Variants in TRDN observed in about 807,000 individuals in gnomAD.
The protein encoded by TRDN is triadin.
Under a neutral mutation model 149.7 loss-of-function variants are expected in TRDN, and 161 were observed. The ratio of observed to expected loss-of-function variants is 1.08; its 90% confidence interval spans 0.95 to 1.23. The LOEUF (loss-of-function observed/expected upper bound fraction) is 1.23. TRDN is among the 50% of genes most tolerant of loss of function. TRDN has a pLI of 0.00. For synonymous variants in TRDN, 294 were observed against 250.5 expected (o/e 1.17, Z -1.64); for missense variants, 896 against 823.5 (o/e 1.09, Z -1.08).
At chr6:123,327,094 C>A (rs568471058) in intron 23 of TRDN, among the ~76,000 whole-genome samples, 2 of 151,838 alleles carry the variant, frequency 1.3e-5, no homozygotes, top group East Asian at 3.9e-4. Flanking sequence ...AATATGAGAG[C>A]GGAATTTAAA....
In TRDN at chr6:123,273,286, A is replaced by C. The variant is rs1777264350; in HGVS notation, c.1624+51T>G. 5 of 1,070,708 alleles carry C rather than the reference A, an allele frequency of 4.7e-6. No homozygotes were observed. The South Asian group carries it at 6.8e-5, about 15-fold the overall frequency. 66.3% of individuals were successfully genotyped at this position (1,070,708 alleles called of 1,614,324 possible). On this transcript the variant is annotated intron_variant, in intron 28 of 40. Coordinates refer to ENST00000334268, the MANE Select transcript of TRDN (RefSeq NM_006073.4). ...AAATACATGATTTTGAAAACGTTTCAATATTTTTTCGTAAGAAAGTCTAAG... is the reference window on the plus strand; with the variant it reads ...AAATACATGATTTTGAAAACGTTTCCATATTTTTTCGTAAGAAAGTCTAAG...
intron 24 of TRDN, among the ~76,000 whole-genome samples, chr6:123,279,714 CTT>C (rs1463702206): frequency 1.3e-5 from 2 of 152,122 alleles, no homozygotes; most frequent in African/African-American, 4.8e-5. Context: ...TTTCCCATTA[CTT>C]TCCAAGACTA....
At chr6:123,497,645 A>C (rs989090020) in intron 8 of TRDN, among the ~76,000 whole-genome samples, 3 of 152,182 alleles carry the variant, frequency 2.0e-5, no homozygotes, top group Admixed American at 6.5e-5. Flanking sequence ...ATTGTTTCCA[A>C]CTTGGAGTGT....
intron 12 of TRDN, chr6:123,421,678 A>T (rs1196081827): frequency 6.6e-6 from 1 of 152,112 alleles, no homozygotes; most frequent in Non-Finnish European, 1.5e-5. Flanking sequence ...GCAGATCAGG[A>T]ATATTTGGGG....
Position 123,278,322 on chromosome 6 carries a change from C to T in TRDN, c.1563G>A (p.Lys521=), listed in dbSNP as rs573190326. 2 of 1,291,372 alleles carry T rather than the reference C, an allele frequency of 1.5e-6. No homozygotes were observed. Among genetic ancestry groups the T allele is most frequent in the African/African-American group, 3.1e-5 (2 of 65,440 alleles). 80.0% of individuals were successfully genotyped at this position (1,291,372 alleles called of 1,614,324 possible). A position where few individuals can be genotyped will look rare whatever the true frequency, so the allele number is the denominator to read the frequency against. The change falls in exon 26 of 41, where the codon AAG becomes AAA. Residue 521 remains lysine, a synonymous_variant. Coordinates refer to ENST00000334268, the MANE Select transcript of TRDN (RefSeq NM_006073.4). ...PPQLQGKKEE[K]PEPQIKKEAK... ...GTATAAATAAAATATACATACCTGG[C>T]TTCTCTTCCTTTTTTCCTTGTAGTT...
At chr6:123,324,876 A>G (rs908055438) in intron 23 of TRDN, among the ~76,000 whole-genome samples, 1 of 152,144 alleles carries the variant, frequency 6.6e-6, no homozygotes, top group African/African-American at 2.4e-5. Context: ...TGGACATAAC[A>G]AGAAATGTGT....
intron 24 of TRDN, among the ~76,000 whole-genome samples, chr6:123,309,776 T>C (rs553526597): frequency 1.2e-3 from 186 of 151,992 alleles, no homozygotes; most frequent in African/African-American, 4.1e-3. Context: ...AATAAAGAGG[T>C]ATATCATAAC....
At chr6:123,593,439 C>T (rs921204852) in intron 1 of TRDN, among the ~76,000 whole-genome samples, 2 of 152,206 alleles carry the variant, frequency 1.3e-5, no homozygotes, top group African/African-American at 4.8e-5. Context: ...CTAGGGCTGA[C>T]ATAACAACAT....
At chr6:123,586,216 C>A (rs1783471016) in intron 1 of TRDN, among the ~76,000 whole-genome samples, 1 of 151,992 alleles carries the variant, frequency 6.6e-6, no homozygotes, top group Non-Finnish European at 1.5e-5. Context: ...AATTGCTGGG[C>A]AGGTGAGGGC....
At chr6:123,477,931 G>A (rs1419658841) in intron 9 of TRDN, among the ~76,000 whole-genome samples, 3 of 146,784 alleles carry the variant, frequency 2.0e-5, no homozygotes, top group African/African-American at 7.5e-5. Flanking sequence ...AGGGGGAAGG[G>A]ATAGCATTGG....
At chr6:123,444,887 A>G (rs1266292035) in intron 10 of TRDN, 1 of 152,228 alleles carries the variant, frequency 6.6e-6, no homozygotes, top group Non-Finnish European at 1.5e-5. Flanking sequence ...ATCATGGTGG[A>G]TAAGCTTTTT....
intron 14 of TRDN, among the ~76,000 whole-genome samples, chr6:123,385,833 T>C (rs1043447477): frequency 6.6e-5 from 10 of 152,128 alleles, no homozygotes; most frequent in Non-Finnish European, 1.2e-4. Context: ...GATCTGCTCG[T>C]AGAATTCAAG....
At position 123,308,331 on chromosome 6, in the gene TRDN, C is replaced by CGT. The variant is rs201734894; in HGVS notation, c.1510+8124_1510+8125dup. ...GTGCTGTGATGAACATATGAGTGCA[C>CGT]GTGTGTGTTTTTTTTTTTTTTTGGT... On this transcript the variant is annotated intron_variant, in intron 24 of 40. Coordinates refer to ENST00000334268, the MANE Select transcript of TRDN (RefSeq NM_006073.4). Among the ~76,000 whole-genome samples, 212 of 86,732 alleles carry CGT rather than the reference C, an allele frequency of 2.4e-3. 1 individual carries two copies. Among genetic ancestry groups the CGT allele is most frequent in the African/African-American group, 6.7e-3 (133 of 19,838 alleles). 56.9% of individuals were successfully genotyped at this position (86,732 alleles called of 152,430 possible).
chr6:123,339,744 C>G (rs568736713), intron 21 of TRDN, among the ~76,000 whole-genome samples: 1 of 152,296 alleles, frequency 6.6e-6, no homozygotes, highest in African/African-American at 2.4e-5. Flanking sequence ...TAATATGTGA[C>G]TGGTGAAAAC....
intron 22 of TRDN, among the ~76,000 whole-genome samples, chr6:123,332,822 C>G (rs1015904103): frequency 5.9e-5 from 9 of 151,942 alleles, no homozygotes; most frequent in African/African-American, 2.2e-4. Context: ...AGATGCCACT[C>G]TAGTAAACAC....
chr6:123,534,035 A>G (rs376856819), intron 4 of TRDN, among the ~76,000 whole-genome samples: 1 of 152,082 alleles, frequency 6.6e-6, no homozygotes, highest in East Asian at 1.9e-4. Flanking sequence ...CTTCAGCCTT[A>G]GAACAAACTA....
chr6:123,290,546 T>G (rs758611142), intron 24 of TRDN, among the ~76,000 whole-genome samples: 1 of 152,154 alleles, frequency 6.6e-6, no homozygotes, highest in Non-Finnish European at 1.5e-5. Context: ...ATGTTTTGCA[T>G]GGTATCTTGT....
At chr6:123,352,019 C>G (rs1201108349) in intron 21 of TRDN, 1 of 977,602 alleles carries the variant, frequency 1.0e-6, no homozygotes, top group African/African-American at 1.8e-5. Flanking sequence ...ATTTATAACA[C>G]TGAAATTTCA....
At chr6:123,344,719 G>A (rs9388224) in intron 21 of TRDN, among the ~76,000 whole-genome samples, 27,122 of 151,878 alleles carry the variant, frequency 0.18, 3,452 homozygotes, top group East Asian at 0.63. Flanking sequence ...TAGGAAATAC[G>A]AATAAAGCTG....
Sources: gnomAD v4.1 joint callset for allele counts (sites outside exome capture counted in the v4.1 genomes callset) on GRCh38, gnomAD v4.1.1 for gene constraint, MANE v1.5 for transcripts, NCBI Gene and HGNC (gene_info 2026-07-23, HGNC 2026-07-21) for gene names.